IP6K3: variants seen among roughly 807,000 people sequenced by gnomAD.
IP6K3 encodes the protein ATP:1D-myo-inositol-hexakisphosphate phosphotransferase.
In IP6K3, 20 loss-of-function variants were observed where a neutral mutation model predicts 28.8. That is an observed-to-expected ratio of 0.70 (90% CI 0.49 to 1.01). The LOEUF is 1.01. Ranked by LOEUF, IP6K3 falls within the 50% of genes least tolerant of loss-of-function variation. The pLI, the probability that IP6K3 is intolerant of heterozygous loss-of-function variation, is 0.00. For missense variants in IP6K3, 480 were observed against 537.1 expected, an observed-to-expected ratio of 0.89 and a Z score of 1.05; for synonymous variants, 213 against 221.3, an observed-to-expected ratio of 0.96 and a Z score of 0.33.
chr6:33,732,950 C>A (rs920737893), intron 2 of IP6K3, among the ~76,000 whole-genome samples: 5 of 152,238 alleles, frequency 3.3e-5, no homozygotes, highest in South Asian at 2.1e-4. Context: ...TTCCTAGAGT[C>A]TTCTTAAATG....
the IP6K3 span, among the ~76,000 whole-genome samples, chr6:33,753,292 G>C: frequency 1.3e-5 from 2 of 152,150 alleles, no homozygotes; most frequent in African/African-American, 4.8e-5. Flanking sequence ...CTGTGATTTC[G>C]GATTATGTCT....
chr6:33,752,305 C>T, the IP6K3 span, among the ~76,000 whole-genome samples: 2 of 152,218 alleles, frequency 1.3e-5, no homozygotes, highest in East Asian at 1.9e-4. Context: ...CCGCCCTGCC[C>T]ACTGGTCCTT....
At chr6:33,727,900 A>G (rs1234175623) in intron 3 of IP6K3, 187 bp downstream of exon 3, 1 of 985,286 alleles carries the variant, frequency 1.0e-6, no homozygotes, top group African/African-American at 1.7e-5. Context: ...CCTCCCTTCT[A>G]GGAGTGACAT....
intron 4 of IP6K3, among the ~76,000 whole-genome samples, chr6:33,726,034 G>A (rs1186853158): frequency 1.3e-4 from 20 of 152,172 alleles, no homozygotes; most frequent in Non-Finnish European, 2.6e-4. Context: ...ATGAGTTGCA[G>A]GAATATTAAT....
At chr6:33,741,615 C>T (rs111598578) in intron 1 of IP6K3, among the ~76,000 whole-genome samples, 6 of 120,400 alleles carry the variant, frequency 5.0e-5, no homozygotes, top group African/African-American at 1.9e-4. Context: ...CATTGCACTC[C>T]AGCTTGGGCA....
chr6:33,735,520 G>C lies in IP6K3; in HGVS notation c.-44C>G, dbSNP rs1397606089. On this transcript the variant is annotated 5_prime_UTR_variant, in exon 2 of 6. Coordinates refer to ENST00000293756, the MANE Select transcript of IP6K3 (RefSeq NM_054111.5). ...TGGGGGGTCCCTGCACAGTCTGCTA[G>C]AGGAAGGTTTGAAGTAGAAAGGGCA... 1.9e-6 allele frequency: 3 copies of C among 1,592,242 alleles called. No individual in the cohort carries two copies. In the Admixed American group the frequency reaches 5.1e-5, roughly 27 times the overall value.
upstream of IP6K3, among the ~76,000 whole-genome samples, chr6:33,748,863 T>A (rs542786266): frequency 2.2e-3 from 332 of 151,126 alleles, 1 homozygote; most frequent in African/African-American, 7.3e-3. Flanking sequence ...GGGGTGGGGA[T>A]CCGATCCTCC....
At chr6:33,760,162 C>A in the IP6K3 span, among the ~76,000 whole-genome samples, 1 of 152,236 alleles carries the variant, frequency 6.6e-6, no homozygotes, top group Non-Finnish European at 1.5e-5. Flanking sequence ...CATATATACT[C>A]ACTAGCTAGA....
At chr6:33,729,128 C>T (rs573316197) in intron 2 of IP6K3, among the ~76,000 whole-genome samples, 138 of 152,352 alleles carry the variant, frequency 9.1e-4, no homozygotes, top group African/African-American at 2.6e-3. Flanking sequence ...TTCTCCTGGA[C>T]ATTGGTCGGG....
intron 3 of IP6K3, chr6:33,727,739 A>C (rs1766170069): frequency 1.3e-6 from 1 of 744,864 alleles, no homozygotes; most frequent in African/African-American, 1.9e-5. Flanking sequence ...TACATACACT[A>C]TTCTAGGGTT....
Position 33,725,523 on chromosome 6 carries a change from G to A in IP6K3, c.683C>T (p.Ser228Leu), listed in dbSNP as rs1007381299. The A allele has an allele frequency of 4.3e-6, 7 of 1,613,948 alleles. No individual in the cohort carries two copies. The highest frequency in any genetic ancestry group is 2.7e-5 in the African/African-American group (2 of 74,924). Residue 228 changes from serine to leucine, a missense_variant, in exon 5 of 6, where the codon TCG becomes TTG. By Grantham distance (145) the Ser-to-Leu change is moderately radical. Transcript: ENST00000293756. ...MGTRQHGDDASEEKKARHMRK... is the reference protein window; with the variant it reads ...MGTRQHGDDALEEKKARHMRK... Reference sequence around the variant, plus strand: ...CATGTGGCGGGCCTTCTTCTCCTCCGATGCATCATCGCCGTGCTGCCGGGT... The same window carrying A: ...CATGTGGCGGGCCTTCTTCTCCTCCAATGCATCATCGCCGTGCTGCCGGGT...
Position 33,722,643 on chromosome 6 carries a change from T to C in IP6K3, c.*77A>G, listed in dbSNP as rs1413224195. ...CTATTATGAAGACATCTAAGGGGTG[T>C]CTGGACTACCCTAGCAACCAACAGG... On this transcript the variant is annotated 3_prime_UTR_variant, in exon 6 of 6. Transcript: ENST00000293756. 6.2e-6 allele frequency: 6 copies of C among 970,982 alleles called. No individual in the cohort carries two copies. Among genetic ancestry groups the C allele is most frequent in the Non-Finnish European group, 9.5e-6 (6 of 632,082 alleles). 60.1% of individuals were successfully genotyped at this position (970,982 alleles called of 1,614,324 possible). A position where few individuals can be genotyped will look rare whatever the true frequency, so the allele number is the denominator to read the frequency against.
chr6:33,749,924 C>T (rs1766997958), upstream of IP6K3, among the ~76,000 whole-genome samples: 1 of 152,074 alleles, frequency 6.6e-6, no homozygotes, highest in Non-Finnish European at 1.5e-5. Context: ...GCATCCTAGG[C>T]CAGCCCTTAG....
Position 33,735,272 on chromosome 6 carries a change from A to G in IP6K3, c.199+6T>C, listed in dbSNP as rs1766474998. 6.2e-7 allele frequency: 1 copy of G among 1,611,556 alleles called. No homozygotes were observed. The highest frequency in any genetic ancestry group is 1.7e-5 in the Admixed American group (1 of 59,798). On this transcript the variant is annotated splice_donor_region_variant and intron_variant, in intron 2 of 5. Coordinates refer to ENST00000293756, the MANE Select transcript of IP6K3 (RefSeq NM_054111.5). ...CCAGACGTGGCCTGGCTGCCTAGAC[A>G]CTCACCTTTGTACTGTGGGGTGAAC...
In IP6K3 at chr6:33,742,004, T is replaced by A. The variant is rs2127364586; in HGVS notation, c.-180+4754A>T. Among the ~76,000 whole-genome samples the A allele has an allele frequency of 6.6e-6, 1 of 152,018 alleles. No individual in the cohort carries two copies. Among genetic ancestry groups the A allele is most frequent in the East Asian group, 1.9e-4 (1 of 5,188 alleles). ...AAAAAAAAAAACAAAGCAACTTCAC[T>A]TGAGTCAGGTACTCAAATAGTTCAT... is the stretch of plus-strand genomic sequence containing the variant. On this transcript the variant is annotated intron_variant, in intron 1 of 5. Coordinates refer to ENST00000293756, the MANE Select transcript of IP6K3 (RefSeq NM_054111.5). This position sits in a 1 kb window ranked among gnomAD's most constrained non-coding sequence, Gnocchi z 4.5.
Position 33,744,813 on chromosome 6 carries a change from G to A in IP6K3, c.-180+1945C>T, listed in dbSNP as rs1257438847. On this transcript the variant is annotated intron_variant, in intron 1 of 5. Coordinates refer to ENST00000293756, the MANE Select transcript of IP6K3 (RefSeq NM_054111.5). This position sits in a 1 kb window ranked among gnomAD's most constrained non-coding sequence, Gnocchi z 4.4. ...ATTGAGGTTGGATTCTCCCCATAAC[G>A]TTCTATAACATCTCTTGCCCTCCCC... Among the ~76,000 whole-genome samples the A allele has an allele frequency of 1.3e-5, 2 of 152,164 alleles. No homozygotes were observed. The highest frequency in any genetic ancestry group is 2.9e-5 in the Non-Finnish European group (2 of 68,020).
At position 33,723,121 on chromosome 6, in the gene IP6K3, C is replaced by G; in HGVS notation, c.832G>C (p.Glu278Gln). Residue 278 changes from glutamate to glutamine, a missense_variant, in exon 6 of 6, where the codon GAG (glutamate) becomes CAG (glutamine). Coordinates refer to ENST00000293756, the MANE Select transcript of IP6K3 (RefSeq NM_054111.5). ...DKYYGRKLSV[E>Q]GFRQALYQFL... ...TGATAGAGGGCTTGTCTGAACCCCT[C>G]CACTGAGAGTTTTCTTCCATAGTAC... 6.2e-7 allele frequency: 1 copy of G among 1,613,922 alleles called. No homozygotes were observed. The highest frequency in any genetic ancestry group is 8.5e-7 in the Non-Finnish European group (1 of 1,179,928).
At chr6:33,730,746 T>G (rs1261712277) in intron 2 of IP6K3, among the ~76,000 whole-genome samples, 1 of 152,066 alleles carries the variant, frequency 6.6e-6, no homozygotes, top group Non-Finnish European at 1.5e-5. Context: ...CTGCCCAAGG[T>G]CACATGGTCG....
At chr6:33,743,516 T>C (rs1298869488) in intron 1 of IP6K3, among the ~76,000 whole-genome samples, 1 of 152,190 alleles carries the variant, frequency 6.6e-6, no homozygotes, top group Non-Finnish European at 1.5e-5. Flanking sequence ...TTGGAGTTTC[T>C]CACATGGCTG....
Sources: allele counts gnomAD v4.1 joint callset (sites outside exome capture counted in the v4.1 genomes callset), GRCh38; gene constraint gnomAD v4.1.1; non-coding constraint Gnocchi (gnomAD v3.1); transcripts MANE v1.5; gene names NCBI Gene and HGNC (gene_info 2026-07-23, HGNC 2026-07-21).